The following TMPRSS15 variants were observed in gnomAD, a reference collection of about 807,000 sequenced individuals.
TMPRSS15 encodes the protein transmembrane serine protease 15.
TMPRSS15 carries 128 observed loss-of-function variants against 125.3 expected under a neutral mutation model. The ratio of observed to expected loss-of-function variants is 1.02; its 90% confidence interval spans 0.89 to 1.18. The LOEUF is 1.18. Among genes scored for constraint, TMPRSS15 ranks in the 50% most tolerant of loss-of-function variants. TMPRSS15 has a pLI of 0.00. For synonymous variants in TMPRSS15, 446 were observed against 423.2 expected (o/e 1.05, Z -0.66); for missense variants, 1,283 against 1,212.7 (o/e 1.06, Z -0.86).
intron 5 of TMPRSS15, among the ~76,000 whole-genome samples, chr21:18,373,253 T>G (rs1055876829): frequency 1.3e-5 from 2 of 152,156 alleles, no homozygotes; most frequent in African/African-American, 2.4e-5. Context: ...ACTAAGTTAC[T>G]TCTTAATTAA....
chr21:18,270,576 G>T (rs910798785), intron 24 of TMPRSS15, among the ~76,000 whole-genome samples: 4 of 152,122 alleles, frequency 2.6e-5, no homozygotes, highest in Non-Finnish European at 5.9e-5. Flanking sequence ...ACATAAAGTA[G>T]ATTTTAGTTC....
intron 13 of TMPRSS15, among the ~76,000 whole-genome samples, chr21:18,334,874 C>T (rs1387190102): frequency 6.6e-6 from 1 of 151,962 alleles, no homozygotes; most frequent in Non-Finnish European, 1.5e-5. Context: ...TTGATACGTA[C>T]ATAACAAAAA....
chr21:18,329,309 G>C lies in TMPRSS15; in HGVS notation c.1655-15C>G. 1 of 1,604,542 alleles carries C rather than the reference G, an allele frequency of 6.2e-7. No individual in the cohort carries two copies. Among genetic ancestry groups the C allele is most frequent in the Non-Finnish European group, 8.5e-7 (1 of 1,174,360 alleles). ...AATCCAAACACCTAAAAAGTAAGAA[G>C]TAACATTTAATTTGGAACACACTTG... On this transcript the variant is annotated splice_polypyrimidine_tract_variant and intron_variant, in intron 14 of 24. Transcript: ENST00000284885.
At chr21:18,427,440 A>G (rs2123203999) in intron 1 of TMPRSS15, among the ~76,000 whole-genome samples, 3 of 152,306 alleles carry the variant, frequency 2.0e-5, no homozygotes, top group Admixed American at 2.0e-4. Flanking sequence ...TTAACTGTTT[A>G]TTTCTTTTAA....
In TMPRSS15 at chr21:18,326,453, C is replaced by T. The variant is rs2146961340; in HGVS notation, c.1900G>A (p.Gly634Ser). ...CTACCTGGAATCCCCAAGTGATAGC[C>T]AGTAGTAAAGTTTGCTTTAAACCCT... ...RGGFKANFTT[G>S]YHLGIPEPCK... Residue 634 changes from glycine (G) to serine (S), a missense_variant, in exon 16 of 25, where the codon GGC becomes AGC. Coordinates refer to ENST00000284885, the MANE Select transcript of TMPRSS15 (RefSeq NM_002772.3). 1.2e-6 allele frequency: 2 copies of T among 1,614,100 alleles called. No homozygotes were observed. Among genetic ancestry groups the T allele is most frequent in the South Asian group, 1.1e-5 (1 of 91,078 alleles).
chr21:18,322,946 TG>T, intron 16 of TMPRSS15, among the ~76,000 whole-genome samples: 1 of 152,352 alleles, frequency 6.6e-6, no homozygotes, highest in South Asian at 2.1e-4. Flanking sequence ...CCAGATTCGA[TG>T]ATTATAAATT....
rs537928533 is a variant in TMPRSS15 at position 18,421,353 on chromosome 21, A to C, written c.11-23024T>G. On this transcript the variant is annotated intron_variant, in intron 1 of 7. Coordinates refer to the TMPRSS15 transcript ENST00000422787. ...TCTGGGTCTAATTTTTTGAGCTAAA[A>C]CCTTGGCGTCTTGTTACTGTGTATA... Among the ~76,000 whole-genome samples the C allele has an allele frequency of 1.4e-4, 21 of 152,148 alleles. No homozygotes were observed. The South Asian group carries it at 4.4e-3, about 32-fold the overall frequency.
At chr21:18,465,447 A>G (rs1019038587) in intron 1 of TMPRSS15, among the ~76,000 whole-genome samples, 2 of 152,168 alleles carry the variant, frequency 1.3e-5, no homozygotes, top group African/African-American at 4.8e-5. Context: ...AGGGTATTCA[A>G]ATAGGAAGAG....
At chr21:18,468,975 A>C (rs1259934938) in intron 1 of TMPRSS15, among the ~76,000 whole-genome samples, 1 of 152,170 alleles carries the variant, frequency 6.6e-6, no homozygotes, top group East Asian at 1.9e-4. Context: ...GAAAGAAATC[A>C]TTCTGGTGCT....
intron 16 of TMPRSS15, among the ~76,000 whole-genome samples, chr21:18,322,530 G>A (rs1227155296): frequency 6.6e-6 from 1 of 152,072 alleles, no homozygotes; most frequent in Non-Finnish European, 1.5e-5. Context: ...TTGCATAATG[G>A]AATATTATGC....
At chr21:18,271,408 A>G (rs2074554334) in intron 24 of TMPRSS15, among the ~76,000 whole-genome samples, 1 of 152,154 alleles carries the variant, frequency 6.6e-6, no homozygotes, top group Non-Finnish European at 1.5e-5. Flanking sequence ...TCCAGACAGA[A>G]TAAGGATTTT....
At chr21:18,376,120 C>T (rs2075839160) in intron 5 of TMPRSS15, among the ~76,000 whole-genome samples, 1 of 152,062 alleles carries the variant, frequency 6.6e-6, no homozygotes, top group Non-Finnish European at 1.5e-5. Context: ...CCTTTAGAGG[C>T]CAGTGTTATT....
At chr21:18,457,131 A>C (rs79070986) in intron 1 of TMPRSS15, among the ~76,000 whole-genome samples, 141 of 152,178 alleles carry the variant, frequency 9.3e-4, no homozygotes, top group African/African-American at 2.6e-3. Flanking sequence ...AGTAATTGTA[A>C]CAATTTGGTA....
intron 22 of TMPRSS15, among the ~76,000 whole-genome samples, chr21:18,280,200 G>C: frequency 6.6e-6 from 1 of 152,138 alleles, no homozygotes; most frequent in East Asian, 1.9e-4. Flanking sequence ...TTTATCAGGG[G>C]ATTTCTTGCA....
At chr21:18,464,270 A>C (rs1852357691) in intron 1 of TMPRSS15, among the ~76,000 whole-genome samples, 1 of 151,838 alleles carries the variant, frequency 6.6e-6, no homozygotes, top group Admixed American at 6.6e-5. Context: ...CAGTGTTTAG[A>C]GAGAAATTTA....
intron 17 of TMPRSS15, among the ~76,000 whole-genome samples, chr21:18,314,450 G>T (rs1208721832): frequency 6.6e-6 from 1 of 151,666 alleles, no homozygotes; most frequent in Non-Finnish European, 1.5e-5. Flanking sequence ...GGCAAATTTC[G>T]TATTTTTAGT....
intron 1 of TMPRSS15, among the ~76,000 whole-genome samples, chr21:18,446,625 C>T (rs967965266): frequency 8.5e-5 from 13 of 152,088 alleles, no homozygotes; most frequent in African/African-American, 1.2e-4. Flanking sequence ...GAACAGAATA[C>T]GGAACCCCAA....
At chr21:18,420,447 G>GA (rs397817276) in intron 1 of TMPRSS15, among the ~76,000 whole-genome samples, 1 of 316 alleles carries the variant, frequency 3.2e-3, no homozygotes, top group East Asian at 0.17. Context: ...ATATTTGGAA[G>GA]TATAATAAAA....
chr21:18,355,268 G>A (rs2075613629), intron 8 of TMPRSS15, among the ~76,000 whole-genome samples: 1 of 151,654 alleles, frequency 6.6e-6, no homozygotes, highest in South Asian at 2.1e-4. Flanking sequence ...AATTCTCTTG[G>A]ACAATGGCCT....
Sources: gnomAD v4.1 joint callset for allele counts (sites outside exome capture counted in the v4.1 genomes callset) on GRCh38, gnomAD v4.1.1 for gene constraint, MANE v1.5 for transcripts, NCBI Gene and HGNC (gene_info 2026-07-23, HGNC 2026-07-21) for gene names.